The following ABTB3 variants were observed in gnomAD, a reference collection of about 807,000 sequenced individuals.
ABTB3 encodes ankyrin repeat- and BTB/POZ domain-containing protein 3.
the ABTB3 span, among the ~76,000 whole-genome samples, chr12:107,387,952 C>CTCT: frequency 7.8e-3 from 1,017 of 130,698 alleles, 16 homozygotes; most frequent in African/African-American, 0.025. Flanking sequence ...CTCTTTTCTC[C>CTCT]TCTTCTTCTT....
At chr12:107,555,472 T>C in the ABTB3 span, among the ~76,000 whole-genome samples, 2 of 152,202 alleles carry the variant, frequency 1.3e-5, no homozygotes, top group Non-Finnish European at 2.9e-5. Context: ...GCTGCACTTG[T>C]TAATTTCAAT....
At chr12:107,644,453 G>A in the ABTB3 span, among the ~76,000 whole-genome samples, 28,495 of 152,146 alleles carry the variant, frequency 0.19, 2,885 homozygotes, top group Non-Finnish European at 0.24. Flanking sequence ...GTACAGCCAA[G>A]TTGGAGAACC....
At chr12:107,534,548 C>G in the ABTB3 span, among the ~76,000 whole-genome samples, 1 of 151,946 alleles carries the variant, frequency 6.6e-6, no homozygotes, top group African/African-American at 2.4e-5. Context: ...AAACCTTTAG[C>G]TAGACTAAGA....
the ABTB3 span, among the ~76,000 whole-genome samples, chr12:107,524,021 G>A: frequency 3.3e-5 from 5 of 152,256 alleles, no homozygotes; most frequent in African/African-American, 7.2e-5. Context: ...TGCTCTCTTC[G>A]AAGAAAGGAT....
At chr12:107,469,320 G>C in the ABTB3 span, among the ~76,000 whole-genome samples, 2 of 152,326 alleles carry the variant, frequency 1.3e-5, no homozygotes, top group African/African-American at 4.8e-5. Context: ...CACATCTGCT[G>C]ACTCACCAAT....
the ABTB3 span, among the ~76,000 whole-genome samples, chr12:107,326,591 C>T: frequency 6.6e-6 from 1 of 152,304 alleles, no homozygotes; most frequent in East Asian, 1.9e-4. Context: ...ATTCTCTTTT[C>T]CCTAAGGGAG....
the ABTB3 span, among the ~76,000 whole-genome samples, chr12:107,464,632 G>A: frequency 6.6e-6 from 1 of 152,188 alleles, no homozygotes; most frequent in African/African-American, 2.4e-5. Context: ...TTGACCAGAG[G>A]CCTGAAAACA....
the ABTB3 span, among the ~76,000 whole-genome samples, chr12:107,532,070 A>G: frequency 6.6e-6 from 1 of 152,202 alleles, no homozygotes; most frequent in Non-Finnish European, 1.5e-5. Context: ...GCCACCACCA[A>G]TAGCAAACTT....
the ABTB3 span, among the ~76,000 whole-genome samples, chr12:107,527,479 C>T: frequency 1.3e-5 from 2 of 152,138 alleles, no homozygotes; most frequent in African/African-American, 4.8e-5. Flanking sequence ...ACCATGTTGG[C>T]CAGGCTGATC....
chr12:107,376,808 T>A, the ABTB3 span, among the ~76,000 whole-genome samples: 1 of 152,152 alleles, frequency 6.6e-6, no homozygotes, highest in Non-Finnish European at 1.5e-5. Context: ...GCTGTTTTAT[T>A]CAACCCTACA....
chr12:107,465,018 A>C, the ABTB3 span, among the ~76,000 whole-genome samples: 1 of 152,110 alleles, frequency 6.6e-6, no homozygotes, highest in South Asian at 2.1e-4. Context: ...AACCATGCTT[A>C]GGTTGAGAAA....
chr12:107,469,964 CTTTCTTTCTTTCTTTCTTTCTTTCTT>C, the ABTB3 span, among the ~76,000 whole-genome samples: 8 of 71,470 alleles, frequency 1.1e-4, 1 homozygote, highest in African/African-American at 7.3e-4. Flanking sequence ...TTCTTTCTTT[CTTTCTTTCTTTCTTTCTTTCTTTCTT>C]TCTTTCTTTC....
At chr12:107,482,906 CT>C in the ABTB3 span, among the ~76,000 whole-genome samples, 752 of 137,310 alleles carry the variant, frequency 5.5e-3, 3 homozygotes, top group Non-Finnish European at 6.4e-3. Context: ...CTCTCTCTCT[CT>C]TTCTTCTTCT....
chr12:107,596,878 G>A, the ABTB3 span, among the ~76,000 whole-genome samples: 5 of 152,122 alleles, frequency 3.3e-5, no homozygotes, highest in Admixed American at 3.3e-4. Context: ...GAATCGCTGG[G>A]TTGCTTTTAA....
the ABTB3 span, among the ~76,000 whole-genome samples, chr12:107,592,148 T>C: frequency 1.3e-5 from 2 of 152,188 alleles, no homozygotes; most frequent in Non-Finnish European, 2.9e-5. Context: ...AGACTTAGCA[T>C]TGAAATATTC....
the ABTB3 span, among the ~76,000 whole-genome samples, chr12:107,493,925 G>A: frequency 6.6e-6 from 1 of 151,986 alleles, no homozygotes; most frequent in Non-Finnish European, 1.5e-5. Context: ...AACACCTTGA[G>A]TGTGGTGTCT....
chr12:107,447,425 A>G, the ABTB3 span, among the ~76,000 whole-genome samples: 1 of 152,128 alleles, frequency 6.6e-6, no homozygotes. Flanking sequence ...TACAGGCTTG[A>G]GCTACCTTGC....
chr12:107,573,383 G>A, the ABTB3 span, among the ~76,000 whole-genome samples: 24 of 152,260 alleles, frequency 1.6e-4, no homozygotes, highest in East Asian at 5.8e-4. Flanking sequence ...ACATGTTGGC[G>A]GAAAGAAGGG....
the ABTB3 span, among the ~76,000 whole-genome samples, chr12:107,491,886 TGAG>T: frequency 1.3e-5 from 2 of 151,430 alleles, no homozygotes; most frequent in Non-Finnish European, 2.9e-5. Flanking sequence ...CCAGGAAGTT[TGAG>T]GAGAAGATTA....
Sources: gnomAD v4.1 joint callset for allele counts (sites outside exome capture counted in the v4.1 genomes callset) on GRCh38, gnomAD v4.1.1 for gene constraint, MANE v1.5 for transcripts, NCBI Gene and HGNC (gene_info 2026-07-23, HGNC 2026-07-21) for gene names.